Variants in MGAT4C observed in about 807,000 individuals in gnomAD.
MGAT4C encodes the protein alpha-1,3-mannosyl-glycoprotein 4-beta-N-acetylglucosaminyltransferase C.
In MGAT4C, 19 loss-of-function variants were observed where a neutral mutation model predicts 40.1. That is an observed-to-expected ratio of 0.47 (90% confidence interval 0.33 to 0.70). The LOEUF (loss-of-function observed/expected upper bound fraction) is 0.70. MGAT4C is among the 30% of genes least tolerant of loss of function. The probability of loss-of-function intolerance (pLI) is 0.02; values close to 1 mark genes in which losing one functional copy is unlikely to be tolerated. For missense variants in MGAT4C, 491 were observed against 563.2 expected (o/e 0.87, Z 1.30); for synonymous variants, 181 against 187.1 (o/e 0.97, Z 0.27).
At chr12:86,078,251 G>A (rs1870155011) in intron 1 of MGAT4C, among the ~76,000 whole-genome samples, 1 of 152,118 alleles carries the variant, frequency 6.6e-6, no homozygotes, top group Non-Finnish European at 1.5e-5. Flanking sequence ...CATTGTAATT[G>A]TGACTTCAAA....
intron 1 of MGAT4C, among the ~76,000 whole-genome samples, chr12:86,081,448 T>C (rs1006750787): frequency 6.6e-6 from 1 of 152,192 alleles, no homozygotes; most frequent in Non-Finnish European, 1.5e-5. Context: ...TAATATTACA[T>C]TTGTTTTGAT....
intron 1 of MGAT4C, among the ~76,000 whole-genome samples, chr12:86,144,048 C>T (rs1300157983): frequency 6.6e-6 from 1 of 152,168 alleles, no homozygotes; most frequent in African/African-American, 2.4e-5. Flanking sequence ...ATGATGCGCA[C>T]AAGTACGTGG....
Position 85,980,195 on chromosome 12 carries a change from C to T in MGAT4C, c.531G>A (p.Glu177=). Residue 177 remains glutamate (E), a synonymous_variant, in exon 5 of 5, where the codon GAG becomes GAA. Coordinates refer to ENST00000611864, the MANE Select transcript of MGAT4C (RefSeq NM_001351288.2). ...TAAGGCCATCTAGGATTGGGTAATA[C>T]TCCTCTGGAGCATGTATAACCATTA... The part of the protein sequence containing the change: ...GRLMVIHAPE[E]YYPILDGLKR... 1 of 1,613,878 alleles carries T rather than the reference C, an allele frequency of 6.2e-7. No individual in the cohort carries two copies. Among genetic ancestry groups the T allele is most frequent in the Non-Finnish European group, 8.5e-7 (1 of 1,179,874 alleles).
intron 2 of MGAT4C, among the ~76,000 whole-genome samples, chr12:86,041,607 A>T (rs1346365578): frequency 6.6e-6 from 1 of 152,070 alleles, no homozygotes; most frequent in African/African-American, 2.4e-5. Context: ...AGGTTGTTTA[A>T]TTTCCATGTA....
At chr12:86,410,058 G>T (rs1956572706) in intron 3 of MGAT4C, among the ~76,000 whole-genome samples, 1 of 152,074 alleles carries the variant, frequency 6.6e-6, no homozygotes, top group Non-Finnish European at 1.5e-5. Flanking sequence ...GCTTTAAAGG[G>T]CAATAAAGAT....
chr12:86,676,856 C>T (rs1273968713), intron 2 of MGAT4C, among the ~76,000 whole-genome samples: 1 of 152,048 alleles, frequency 6.6e-6, no homozygotes, highest in Non-Finnish European at 1.5e-5. Context: ...AACTATGATT[C>T]ATAAAATGAT....
chr12:86,673,043 C>T (rs11104026), intron 2 of MGAT4C, among the ~76,000 whole-genome samples: 2 of 152,070 alleles, frequency 1.3e-5, no homozygotes, highest in Non-Finnish European at 2.9e-5. Context: ...AGCAACATGT[C>T]TAATTTATCT....
At chr12:86,729,135 CTATTA>C (rs1439053958) in intron 1 of MGAT4C, among the ~76,000 whole-genome samples, 1 of 152,086 alleles carries the variant, frequency 6.6e-6, no homozygotes, top group East Asian at 1.9e-4. Flanking sequence ...ATGATAGATG[CTATTA>C]TATTTGCTAG....
intron 1 of MGAT4C, among the ~76,000 whole-genome samples, chr12:86,763,924 C>T (rs1197059066): frequency 1.3e-5 from 2 of 152,136 alleles, no homozygotes; most frequent in Non-Finnish European, 2.9e-5. Context: ...CTACAGCTCC[C>T]AGCATGAGCA....
intron 1 of MGAT4C, among the ~76,000 whole-genome samples, chr12:86,740,495 T>G (rs1391821207): frequency 6.6e-6 from 1 of 151,240 alleles, no homozygotes; most frequent in Non-Finnish European, 1.5e-5. Context: ...AATTAGAATA[T>G]TAAATTAGAA....
At chr12:86,426,509 T>G (rs1171680820) in intron 3 of MGAT4C, among the ~76,000 whole-genome samples, 1 of 152,152 alleles carries the variant, frequency 6.6e-6, no homozygotes, top group Non-Finnish European at 1.5e-5. Flanking sequence ...AACAAAGGCT[T>G]AGGGATGTCA....
chr12:86,032,683 G>A (rs1466692740), intron 2 of MGAT4C, among the ~76,000 whole-genome samples: 9 of 149,724 alleles, frequency 6.0e-5, no homozygotes, highest in Non-Finnish European at 4.5e-5. Context: ...TAGAGGCATA[G>A]TATGCAAACA....
At chr12:86,196,887 T>C (rs1949833290) in intron 1 of MGAT4C, among the ~76,000 whole-genome samples, 1 of 152,092 alleles carries the variant, frequency 6.6e-6, no homozygotes, top group Non-Finnish European at 1.5e-5. Flanking sequence ...ACACACTTTG[T>C]CTCTCTAGAA....
At chr12:86,703,056 G>A (rs903052296) in intron 2 of MGAT4C, among the ~76,000 whole-genome samples, 33 of 152,246 alleles carry the variant, frequency 2.2e-4, no homozygotes, top group African/African-American at 7.7e-4. Flanking sequence ...CGGCAGTGGA[G>A]GAAGTAATCG....
chr12:86,498,148 C>G (rs1384051584), intron 2 of MGAT4C, among the ~76,000 whole-genome samples: 1 of 150,870 alleles, frequency 6.6e-6, no homozygotes, highest in Non-Finnish European at 1.5e-5. Flanking sequence ...CCAATACTTT[C>G]TTTGGGGCAT....
intron 3 of MGAT4C, among the ~76,000 whole-genome samples, chr12:86,400,330 T>C (rs1262812204): frequency 6.6e-6 from 1 of 152,214 alleles, no homozygotes; most frequent in Non-Finnish European, 1.5e-5. Context: ...TATTTCTTAG[T>C]ATTAGGATTT....
At chr12:86,220,248 A>C (rs891648100) in intron 1 of MGAT4C, among the ~76,000 whole-genome samples, 7 of 152,098 alleles carry the variant, frequency 4.6e-5, no homozygotes, top group Non-Finnish European at 1.0e-4. Context: ...AGATCATGGA[A>C]CAGGAATTAT....
At chr12:86,422,654 T>G (rs1334009236) in intron 3 of MGAT4C, among the ~76,000 whole-genome samples, 2 of 152,210 alleles carry the variant, frequency 1.3e-5, no homozygotes, top group African/African-American at 4.8e-5. Flanking sequence ...AATTTCTATT[T>G]CCTTTTTATA....
chr12:86,689,776 C>G (rs1057261756), intron 2 of MGAT4C, among the ~76,000 whole-genome samples: 11 of 152,180 alleles, frequency 7.2e-5, no homozygotes, highest in Non-Finnish European at 2.9e-5. Flanking sequence ...GTCTCCCAGT[C>G]AGGAGGCACA....
Sources: gnomAD v4.1 joint callset for allele counts (sites outside exome capture counted in the v4.1 genomes callset) on GRCh38, gnomAD v4.1.1 for gene constraint, MANE v1.5 for transcripts, NCBI Gene and HGNC (gene_info 2026-07-23, HGNC 2026-07-21) for gene names.